Variants in ZNF654 observed in about 807,000 individuals in gnomAD.
ZNF654 encodes zinc finger protein 654.
A neutral mutation model predicts 95.3 loss-of-function variants in ZNF654; 19 were observed. The observed-to-expected ratio is 0.20, with a 90% CI of 0.14 to 0.29. The LOEUF is 0.29. ZNF654 is among the 10% of genes least tolerant of loss of function. The probability of loss-of-function intolerance (pLI) is 1.00; values close to 1 mark genes in which losing one functional copy is unlikely to be tolerated. For synonymous variants in ZNF654, 413 were observed against 457.9 expected, an observed-to-expected ratio of 0.90 and a Z score of 1.25; for missense variants, 1,046 against 1,341.0, an observed-to-expected ratio of 0.78 and a Z score of 3.44.
chr3:88,065,612 T>C (rs1299986340), intron 1 of ZNF654, among the ~76,000 whole-genome samples: 1 of 152,062 alleles, frequency 6.6e-6, no homozygotes, highest in Non-Finnish European at 1.5e-5. Flanking sequence ...TGAATTTTAT[T>C]TTTTACATTT....
intron 7 of ZNF654, among the ~76,000 whole-genome samples, chr3:88,136,693 CTG>C (rs916259181): frequency 6.6e-6 from 1 of 151,972 alleles, no homozygotes; most frequent in Non-Finnish European, 1.5e-5. Context: ...ATGGCAGAGA[CTG>C]TGTGTGTTAG....
chr3:88,061,745 ATTTCT>A (rs1706897724), intron 1 of ZNF654, among the ~76,000 whole-genome samples: 1 of 152,150 alleles, frequency 6.6e-6, no homozygotes, highest in South Asian at 2.1e-4. Flanking sequence ...CTAGTCGAAG[ATTTCT>A]TTTTAAAAAT....
At chr3:88,132,739 A>G (rs983606194) in intron 6 of ZNF654, among the ~76,000 whole-genome samples, 26 of 152,324 alleles carry the variant, frequency 1.7e-4, no homozygotes, top group Admixed American at 8.5e-4. Context: ...AGGTGTTTCA[A>G]TTATCTCTCT....
chr3:88,080,478 G>A (rs1183528628), intron 1 of ZNF654, among the ~76,000 whole-genome samples: 2 of 151,932 alleles, frequency 1.3e-5, no homozygotes, highest in Non-Finnish European at 2.9e-5. Flanking sequence ...TTTTCAATAG[G>A]CCTGTGATTA....
intron 2 of ZNF654, among the ~76,000 whole-genome samples, chr3:88,100,451 G>C: frequency 6.6e-6 from 1 of 152,162 alleles, no homozygotes; most frequent in Non-Finnish European, 1.5e-5. Context: ...AATACCATTT[G>C]ACCCAGCCAT....
rs904945254 is a variant in ZNF654 at position 88,144,499 on chromosome 3, T to G, written c.*2847T>G. 1 of 152,412 alleles carries G rather than the reference T, an allele frequency of 6.6e-6. No homozygotes were observed. Among genetic ancestry groups the G allele is most frequent in the African/African-American group, 2.4e-5 (1 of 41,438 alleles). The allele number at this position is 152,412 out of a possible 1,614,324, so 9.4% of individuals were successfully genotyped here. On this transcript the variant is annotated 3_prime_UTR_variant, in exon 9 of 9. Transcript: ENST00000636215. ...TTACAGATTCAGCAAGAAAGGAAAT[T>G]TGTGCTTCCTTGTTGAATGTTAAAT... is the stretch of plus-strand genomic sequence containing the variant.
At chr3:88,109,989 T>C (rs569574699) in intron 2 of ZNF654, among the ~76,000 whole-genome samples, 15 of 152,118 alleles carry the variant, frequency 9.9e-5, no homozygotes, top group Non-Finnish European at 2.2e-4. Flanking sequence ...TTCAACAAAA[T>C]TGACATATGC....
At chr3:88,111,996 C>T (rs1433832171) in intron 2 of ZNF654, among the ~76,000 whole-genome samples, 6 of 151,816 alleles carry the variant, frequency 4.0e-5, no homozygotes, top group Non-Finnish European at 8.9e-5. Flanking sequence ...AGGTTATTGA[C>T]TTTTTTAACC....
intron 2 of ZNF654, among the ~76,000 whole-genome samples, chr3:88,094,311 C>T (rs1703927698): frequency 6.6e-6 from 1 of 152,102 alleles, no homozygotes; most frequent in South Asian, 2.1e-4. Context: ...TTGTGACTAG[C>T]ATCTTTTCCC....
chr3:88,063,081 C>T (rs943271161), intron 1 of ZNF654, among the ~76,000 whole-genome samples: 1 of 151,982 alleles, frequency 6.6e-6, no homozygotes, highest in Admixed American at 6.6e-5. Flanking sequence ...ATTTTGTTTC[C>T]CTTAGGAGAC....
chr3:88,108,869 CAGTG>C (rs1576295728), intron 2 of ZNF654, among the ~76,000 whole-genome samples: 1 of 151,978 alleles, frequency 6.6e-6, no homozygotes, highest in Non-Finnish European at 1.5e-5. Context: ...TAAAATCTCA[CAGTG>C]AGAACAAATT....
intron 1 of ZNF654, among the ~76,000 whole-genome samples, chr3:88,064,243 A>T (rs1707067323): frequency 6.6e-6 from 1 of 152,088 alleles, no homozygotes; most frequent in Non-Finnish European, 1.5e-5. Context: ...TATATTTATA[A>T]GTAATTTTTT....
rs148607185 is a variant in ZNF654 at position 88,100,042 on chromosome 3, G to A, written c.333-13073G>A. 7.4e-4 allele frequency among the ~76,000 whole-genome samples: 112 copies of A among 152,214 alleles called. 1 individual carries two copies. Among genetic ancestry groups the A allele is most frequent in the African/African-American group, 2.5e-3 (105 of 41,536 alleles). On this transcript the variant is annotated intron_variant, in intron 2 of 8. Transcript: ENST00000636215. ...TACCATCACAGTGAACAGGCAACCT[G>A]CAGAATGGGAGAAAATTTTTACAAT...
intron 1 of ZNF654, among the ~76,000 whole-genome samples, chr3:88,081,198 C>G (rs757207497): frequency 1.3e-4 from 20 of 152,276 alleles, no homozygotes; most frequent in Non-Finnish European, 2.5e-4. Flanking sequence ...GGCATTGTGT[C>G]TTTCTCAATG....
chr3:88,113,147 G>A lies in ZNF654; in HGVS notation c.365G>A (p.Arg122Lys), dbSNP rs1368633626. The change falls in exon 3 of 9, where the codon AGA (arginine) becomes AAA (lysine). Residue 122 changes from arginine to lysine, a missense_variant. Transcript: ENST00000636215. ...SFFELLLFFG[R>K]DEFYEEPLKD... ...TTTGAGTTGCTGCTGTTCTTTGGAAGAGATGAGTTTTATGAAGAGCCCTTA... is the reference window on the plus strand; with the variant it reads ...TTTGAGTTGCTGCTGTTCTTTGGAAAAGATGAGTTTTATGAAGAGCCCTTA... 2 of 1,534,096 alleles carry A rather than the reference G, an allele frequency of 1.3e-6. No individual in the cohort carries two copies. The highest frequency in any genetic ancestry group is 1.7e-6 in the Non-Finnish European group (2 of 1,145,838).
In ZNF654 at chr3:88,059,316, C is replaced by T. The variant is rs1370490124; in HGVS notation, c.-4C>T. The T allele has an allele frequency of 3.3e-6, 5 of 1,533,274 alleles. No homozygotes were observed. In the Admixed American group the frequency reaches 7.9e-5, roughly 24 times the overall value. The allele number at this position is 1,533,274 out of a possible 1,614,324, so 95.0% of individuals were successfully genotyped here. ...GCTGGTACGCGCTGGGCGGCGAGAGCCTCATGGCGGAGGAAGAGAGCGACC... is the reference window on the plus strand; with the variant it reads ...GCTGGTACGCGCTGGGCGGCGAGAGTCTCATGGCGGAGGAAGAGAGCGACC... On this transcript the variant is annotated 5_prime_UTR_variant, in exon 1 of 9. Coordinates refer to ENST00000636215, the MANE Select transcript of ZNF654 (RefSeq NM_001350134.2).
rs1706695728 is a variant in ZNF654 at position 88,059,309 on chromosome 3, G to C, written c.-11G>C. 1 of 1,533,020 alleles carries C rather than the reference G, an allele frequency of 6.5e-7. No individual in the cohort carries two copies. Among genetic ancestry groups the C allele is most frequent in the African/African-American group, 1.4e-5 (1 of 72,748 alleles). 95.0% of individuals were successfully genotyped at this position (1,533,020 alleles called of 1,614,324 possible). A position where few individuals can be genotyped will look rare whatever the true frequency, so the allele number is the denominator to read the frequency against. On this transcript the variant is annotated 5_prime_UTR_variant, in exon 1 of 9. Coordinates refer to ENST00000636215, the MANE Select transcript of ZNF654 (RefSeq NM_001350134.2). ...CGCAGGGGCTGGTACGCGCTGGGCG[G>C]CGAGAGCCTCATGGCGGAGGAAGAG...
At chr3:88,103,849 C>T (rs1470120231) in intron 2 of ZNF654, among the ~76,000 whole-genome samples, 1 of 150,198 alleles carries the variant, frequency 6.7e-6, no homozygotes, top group Admixed American at 6.7e-5. Flanking sequence ...TCACTGCAAC[C>T]TCTGCCTCTC....
intron 2 of ZNF654, among the ~76,000 whole-genome samples, chr3:88,101,371 A>G (rs966136184): frequency 2.0e-5 from 3 of 152,174 alleles, no homozygotes; most frequent in African/African-American, 7.2e-5. Context: ...ATGATATCAT[A>G]GAATATGTAG....
Sources: allele counts gnomAD v4.1 joint callset (sites outside exome capture counted in the v4.1 genomes callset), GRCh38; gene constraint gnomAD v4.1.1; transcripts MANE v1.5; gene names NCBI Gene and HGNC (gene_info 2026-07-23, HGNC 2026-07-21).